Variants in MCM7 observed in about 807,000 individuals in gnomAD.
MCM7 encodes DNA replication licensing factor MCM7.
Under a neutral mutation model 83.5 loss-of-function variants are expected in MCM7, and 95 were observed. That is an observed-to-expected ratio of 1.14 (90% confidence interval 0.96 to 1.35). MCM7 has a LOEUF of 1.35. Among genes scored for constraint, MCM7 ranks in the 40% most tolerant of loss-of-function variants. The pLI, the probability that MCM7 is intolerant of heterozygous loss-of-function variation, is 0.00. For missense variants in MCM7, 1,087 were observed against 957.4 expected, an observed-to-expected ratio of 1.14 and a Z score of -1.79; for synonymous variants, 461 against 352.7, an observed-to-expected ratio of 1.31 and a Z score of -3.44.
At position 100,098,628 on chromosome 7, in the gene MCM7, T is replaced by G. The variant is rs1218239596; in HGVS notation, c.670A>C (p.Thr224Pro). Residue 224 changes from threonine (T) to proline (P), a missense_variant, in exon 6 of 15, where the codon ACA becomes CCA. By Grantham distance (38) the Thr-to-Pro change is conservative. Coordinates refer to ENST00000303887, the MANE Select transcript of MCM7 (RefSeq NM_005916.5). ...AATTTGATGAATCTGGAGCCCCGTG[T>G]CTGCAGATACAGCCGCCCTCCTGAG... ...NRSGGRLYLQ[T>P]RGSRFIKFQE... 1 of 1,614,170 alleles carries G rather than the reference T, an allele frequency of 6.2e-7. No homozygotes were observed. The highest frequency in any genetic ancestry group is 8.5e-7 in the Non-Finnish European group (1 of 1,180,038).
rs539655559 is a variant in MCM7 at position 100,092,904 on chromosome 7, G to A, written c.*28C>T. On this transcript the variant is annotated 3_prime_UTR_variant, in exon 15 of 15. Coordinates refer to ENST00000303887, the MANE Select transcript of MCM7 (RefSeq NM_005916.5). ...AGGGGCAGGCCAGCAGGGAACAAGA[G>A]GACCCCAGGGTTGCAAGCAGGCTGG... The A allele has an allele frequency of 1.2e-6, 2 of 1,613,806 alleles. No individual in the cohort carries two copies. Among genetic ancestry groups the A allele is most frequent in the African/African-American group, 1.3e-5 (1 of 75,046 alleles).
Position 100,099,771 on chromosome 7 carries a change from C to G in MCM7, c.112-18G>C, listed in dbSNP as rs1562899408. 1.2e-6 allele frequency: 2 copies of G among 1,612,844 alleles called. No homozygotes were observed. Among genetic ancestry groups the G allele is most frequent in the Non-Finnish European group, 1.7e-6 (2 of 1,179,596 alleles). ...AGCCGAACCTCAAGTGGGGAAGAGA[C>G]AGAAACACCTCAGAGCCACATTCAC... On this transcript the variant is annotated intron_variant, in intron 2 of 14. Transcript: ENST00000303887.
rs1473113176 is a variant in MCM7, at chr7:100,100,032, G to A, written c.93C>T (p.Phe31=). ...YQDDELGKKQ[F]KYGNQLVRLA... is the part of the protein sequence containing the mutation. ...GACTTACCAACTGGTTCCCATACTT[G>A]AACTGCTTCTTCCCGAGTTCATCAT... Residue 31 remains phenylalanine (F), a synonymous_variant, in exon 2 of 15, where the codon TTC becomes TTT. Transcript: ENST00000303887. 1 of 1,613,984 alleles carries A rather than the reference G, an allele frequency of 6.2e-7. No homozygotes were observed. Among genetic ancestry groups the A allele is most frequent in the Non-Finnish European group, 8.5e-7 (1 of 1,179,942 alleles).
chr7:100,100,487 A>C (rs937350246), intron 1 of MCM7: 6 of 943,060 alleles, frequency 6.4e-6, no homozygotes, highest in Admixed American at 6.3e-5. Flanking sequence ...GCACCCCGCC[A>C]CCGCACCCCA....
At chr7:100,099,226 A>G (rs778011906) in intron 4 of MCM7, 23 bp from the exon 5 acceptor site, 3 of 1,614,078 alleles carry the variant, frequency 1.9e-6, no homozygotes, top group South Asian at 1.1e-5. Flanking sequence ...AACAGTCACA[A>G]ACAAGATCCT....
Position 100,098,716 on chromosome 7 carries a change from C to A in MCM7, c.583-1G>T. The A allele has an allele frequency of 1.2e-6, 2 of 1,614,098 alleles. No homozygotes were observed. The highest frequency in any genetic ancestry group is 1.7e-6 in the Non-Finnish European group (2 of 1,180,002). ...GAGGCATGAAAGTGGGAGACTGGAT[C>A]TAGGATGTGAGAACAGAAACACCAA... On this transcript the variant is annotated splice_acceptor_variant, in intron 5 of 14. Transcript: ENST00000303887. LOFTEE classifies it high-confidence loss of function.
intron 9 of MCM7, 64 bp from the exon 10 acceptor site, chr7:100,097,448 A>AT: frequency 6.3e-7 from 1 of 1,593,154 alleles, no homozygotes; most frequent in Non-Finnish European, 8.6e-7. Context: ...CAACAGAGCA[A>AT]TTTTGAGTTC....
chr7:100,098,620 GC>G lies in MCM7; in HGVS notation c.677del (p.Gly226AlafsTer10). 1.2e-6 allele frequency: 2 copies of G among 1,614,104 alleles called. No homozygotes were observed. Among genetic ancestry groups the G allele is most frequent in the Non-Finnish European group, 1.7e-6 (2 of 1,180,016 alleles). On this transcript the variant is annotated frameshift_variant, in exon 6 of 15. Coordinates refer to ENST00000303887, the MANE Select transcript of MCM7 (RefSeq NM_005916.5). LOFTEE classifies it high-confidence loss of function. ...TCTCCTGGAATTTGATGAATCTGGAGCCCCGTGTCTGCAGATACAGCCGCCC... is the reference window on the plus strand; with the variant it reads ...TCTCCTGGAATTTGATGAATCTGGAGCCCGTGTCTGCAGATACAGCCGCCC... ...SGGRLYLQTRGSRFIKFQEMK... is the reference protein window; with the variant it reads ...SGGRLYLQTRXSRFIKFQEMK...
Position 100,094,228 on chromosome 7 carries a change from G to A in MCM7, c.1793C>T (p.Ala598Val), listed in dbSNP as rs374258890. 3.7e-6 allele frequency: 6 copies of A among 1,614,074 alleles called. No homozygotes were observed. The South Asian group carries it at 4.4e-5, about 12-fold the overall frequency. Residue 598 changes from alanine to valine, a missense_variant, in exon 13 of 15, where the codon GCC becomes GTC. Coordinates refer to ENST00000303887, the MANE Select transcript of MCM7 (RefSeq NM_005916.5). Reference protein sequence around the residue: ...MRREAWASKDATYTSARTLLA... With the variant: ...MRREAWASKDVTYTSARTLLA... ...CAGGGTCCGGGCAGAAGTATAGGTG[G>A]CATCCTTACTAGCCCAAGCCTCTCG...
chr7:100,097,470 A>C (rs1418507019), intron 9 of MCM7, 86 bp from the exon 10 acceptor site: 2 of 1,570,140 alleles, frequency 1.3e-6, no homozygotes, highest in African/African-American at 2.7e-5. Context: ...GCCTACCCCT[A>C]ACACCCAGCA....
Position 100,092,800 on chromosome 7 carries a change from T to C in MCM7, c.*132A>G, listed in dbSNP as rs961069593. On this transcript the variant is annotated 3_prime_UTR_variant, in exon 15 of 15. Transcript: ENST00000303887. ...GAAGATGACAATCTACAAACACTTT[T>C]ATTAGCAAAAGGAGTAAGTGCAGCA... 2 of 923,554 alleles carry C rather than the reference T, an allele frequency of 2.2e-6. No individual in the cohort carries two copies. The highest frequency in any genetic ancestry group is 2.5e-5 in the East Asian group (1 of 39,524). 57.2% of individuals were successfully genotyped at this position (923,554 alleles called of 1,614,324 possible).
chr7:100,094,481 G>T, intron 12 of MCM7, 140 bp from the exon 13 acceptor site: 1 of 907,368 alleles, frequency 1.1e-6, no homozygotes, highest in Non-Finnish European at 1.7e-6. Context: ...ACAAATTAGT[G>T]GGTGATTATT....
Position 100,099,418 on chromosome 7 carries a change from CA to C in MCM7, c.277-16del, listed in dbSNP as rs749189763. On this transcript the variant is annotated splice_polypyrimidine_tract_variant and intron_variant, in intron 3 of 14. Transcript: ENST00000303887. ...TTATTTACCACCTAAAGGAGAAGAACAAAAAAAAAAAAAAAAAAGAGCAACA... is the reference window on the plus strand; with the variant it reads ...TTATTTACCACCTAAAGGAGAAGAACAAAAAAAAAAAAAAAAAGAGCAACA... 0.15 allele frequency: 175,027 copies of C among 1,184,372 alleles called. 20 individuals are homozygous for C. The highest frequency in any genetic ancestry group is 0.16 in the Non-Finnish European group (142,560 of 918,310). The allele number at this position is 1,184,372 out of a possible 1,614,324, so 73.4% of individuals were successfully genotyped here. A position where few individuals can be genotyped will look rare whatever the true frequency, so the allele number is the denominator to read the frequency against.
Position 100,095,466 on chromosome 7 carries a change from C to T in MCM7, c.1600G>A (p.Ala534Thr). ...RPDRDNDLRLAQHITYVHQHS... is the reference protein window; with the variant it reads ...RPDRDNDLRLTQHITYVHQHS... ...TGGTGCACATAGGTGATGTGCTGGG[C>T]CAACCTGGACAGAGGGAAGGTTAGA... Residue 534 changes from alanine (A) to threonine (T), a missense_variant, in exon 12 of 15, where the codon GCC (alanine) becomes ACC (threonine). Ala to Thr is a moderately conservative substitution (Grantham distance 58). Coordinates refer to ENST00000303887, the MANE Select transcript of MCM7 (RefSeq NM_005916.5). 1 of 1,613,904 alleles carries T rather than the reference C, an allele frequency of 6.2e-7. No homozygotes were observed. Among genetic ancestry groups the T allele is most frequent in the East Asian group, 2.2e-5 (1 of 44,878 alleles).
At chr7:100,093,425 GAT>G (rs773570116) in intron 13 of MCM7, 24 bp from the exon 14 acceptor site, 40 of 1,604,754 alleles carry the variant, frequency 2.5e-5, no homozygotes, top group Non-Finnish European at 3.4e-5. Context: ...AGGGGGGAAA[GAT>G]GGGAACGGGA....
intron 2 of MCM7, 49 bp from the exon 3 acceptor site, chr7:100,099,802 T>A: frequency 2.5e-6 from 4 of 1,603,038 alleles, no homozygotes; most frequent in East Asian, 4.5e-5. Context: ...TTCACTTTGC[T>A]CACCAGTGTT....
At chr7:100,095,183 A>C (rs777975564) in intron 12 of MCM7, among the ~76,000 whole-genome samples, 1 of 152,310 alleles carries the variant, frequency 6.6e-6, no homozygotes, top group African/African-American at 2.4e-5. Flanking sequence ...CAAAAAAAAT[A>C]AATAGTGTAG....
chr7:100,095,282 G>T (rs1795559531), intron 12 of MCM7, 105 bp downstream of exon 12: 1 of 937,732 alleles, frequency 1.1e-6, no homozygotes, highest in Non-Finnish European at 1.7e-6. Context: ...TCTGTAGCGG[G>T]AAGTGGTGGT....
chr7:100,097,226 C>T, intron 10 of MCM7, 75 bp downstream of exon 10: 1 of 1,322,068 alleles, frequency 7.6e-7, no homozygotes, highest in Non-Finnish European at 1.1e-6. Flanking sequence ...AGCAAACATG[C>T]ACCCCTACTT....
Sources: allele counts gnomAD v4.1 joint callset (sites outside exome capture counted in the v4.1 genomes callset), GRCh38; gene constraint gnomAD v4.1.1; transcripts MANE v1.5; gene names NCBI Gene and HGNC (gene_info 2026-07-23, HGNC 2026-07-21).